PARP4: variants seen among roughly 807,000 people sequenced by gnomAD.
PARP4 encodes poly(ADP-ribose) polymerase family member 4, also known as protein mono-ADP-ribosyltransferase PARP4.
Under a neutral mutation model 187.7 loss-of-function variants are expected in PARP4, and 120 were observed. The ratio of observed to expected loss-of-function variants is 0.64; its 90% CI spans 0.55 to 0.74. PARP4 has a LOEUF of 0.74. PARP4 is among the 30% of genes least tolerant of loss of function. The pLI is 0.00. For synonymous variants in PARP4, 654 were observed against 740.9 expected (o/e 0.88, Z 1.90); for missense variants, 1,836 against 2,070.5 (o/e 0.89, Z 2.20).
intron 31 of PARP4, among the ~76,000 whole-genome samples, chr13:24,432,455 T>C (rs905283930): frequency 1.6e-4 from 24 of 152,238 alleles, no homozygotes; most frequent in Admixed American, 7.2e-4. Context: ...AATATACACC[T>C]GTGAAACCAT....
chr13:24,495,554 T>C (rs1868898714), intron 6 of PARP4, among the ~76,000 whole-genome samples: 1 of 152,194 alleles, frequency 6.6e-6, no homozygotes, highest in African/African-American at 2.4e-5. Context: ...GGCGGCACTT[T>C]CTGCTCTTCT....
intron 3 of PARP4, among the ~76,000 whole-genome samples, chr13:24,501,099 C>A (rs1040353099): frequency 1.3e-5 from 2 of 152,200 alleles, no homozygotes; most frequent in Non-Finnish European, 2.9e-5. Context: ...CGGTATCTAA[C>A]ACATACCGTG....
chr13:24,469,082 T>C lies in PARP4; in HGVS notation c.2075A>G (p.Glu692Gly). The C allele has an allele frequency of 1.9e-6, 3 of 1,613,570 alleles. No homozygotes were observed. Among genetic ancestry groups the C allele is most frequent in the Non-Finnish European group, 2.5e-6 (3 of 1,179,452 alleles). ...GCCCTGGGTCACGGCTTCTAGGTAC[T>C]CTTGCTGGGCTTCTTCCTTCTCTTT... is the stretch of plus-strand genomic sequence containing the variant. ...EIKEKEEAQQ[E>G]YLEAVTQGHG... is the part of the protein sequence containing the mutation. Residue 692 changes from glutamate to glycine, a missense_variant, in exon 17 of 34, where the codon GAG becomes GGG. Physicochemically the swap from Glu to Gly is moderately conservative, Grantham distance 98. Coordinates refer to ENST00000381989, the MANE Select transcript of PARP4 (RefSeq NM_006437.4).
intron 33 of PARP4, among the ~76,000 whole-genome samples, chr13:24,423,151 T>C (rs1165670701): frequency 6.6e-6 from 1 of 152,216 alleles, no homozygotes; most frequent in African/African-American, 2.4e-5. Context: ...TCAATACTAA[T>C]TTTTTAGTCC....
At position 24,469,088 on chromosome 13, in the gene PARP4, T is replaced by C. The variant is rs375596136; in HGVS notation, c.2069A>G (p.Gln690Arg). 3.7e-6 allele frequency: 6 copies of C among 1,613,126 alleles called. No homozygotes were observed. The highest frequency in any genetic ancestry group is 5.1e-6 in the Non-Finnish European group (6 of 1,179,052). ...VGEIKEKEEA[Q>R]QEYLEAVTQG... is the part of the protein sequence containing the mutation. ...GGTCACGGCTTCTAGGTACTCTTGC[T>C]GGGCTTCTTCCTTCTCTTTAATCTG... Residue 690 changes from glutamine to arginine, a missense_variant, in exon 17 of 34, where the codon CAG (glutamine) becomes CGG (arginine). Gln to Arg is a conservative substitution (Grantham distance 43). This residue lies in a region of PARP4 where 1,147 missense variants were observed against 1,214.2 expected (regional missense o/e 0.94). Coordinates refer to ENST00000381989, the MANE Select transcript of PARP4 (RefSeq NM_006437.4).
intron 30 of PARP4, among the ~76,000 whole-genome samples, chr13:24,439,398 G>A (rs1461315370): frequency 1.3e-5 from 2 of 151,550 alleles, no homozygotes; most frequent in African/African-American, 4.8e-5. Context: ...GTAGACACAA[G>A]TAGACAGACA....
chr13:24,429,978 C>A (rs538080395), intron 32 of PARP4, among the ~76,000 whole-genome samples: 4 of 152,192 alleles, frequency 2.6e-5, no homozygotes, highest in African/African-American at 9.6e-5. Flanking sequence ...AAGCTGGATA[C>A]GTGTGGAGCC....
Position 24,494,664 on chromosome 13 carries a change from T to C in PARP4, c.650A>G (p.Asn217Ser), listed in dbSNP as rs747106937. 6.2e-7 allele frequency: 1 copy of C among 1,610,102 alleles called. No individual in the cohort carries two copies. The highest frequency in any genetic ancestry group is 1.1e-5 in the South Asian group (1 of 90,732). The change falls in exon 7 of 34, where the codon AAT becomes AGT. Residue 217 changes from asparagine (N) to serine (S), a missense_variant. Physicochemically the swap from Asn to Ser is conservative, Grantham distance 46. Coordinates refer to ENST00000381989, the MANE Select transcript of PARP4 (RefSeq NM_006437.4). ...TTGTTTCTTCAGTTCTTCAATGTAATTTTCAAAGTATTCACTTGCATCTTC... is the reference window on the plus strand; with the variant it reads ...TTGTTTCTTCAGTTCTTCAATGTAACTTTCAAAGTATTCACTTGCATCTTC... ...TSEDASEYFE[N>S]YIEELKKQGF...
intron 20 of PARP4, among the ~76,000 whole-genome samples, chr13:24,458,589 AAAAC>A (rs932799675): frequency 6.6e-6 from 1 of 151,782 alleles, no homozygotes; most frequent in South Asian, 2.1e-4. Context: ...AAAATAAAAC[AAAAC>A]AAACAAAAAA....
chr13:24,500,701 T>C (rs1248068114), intron 3 of PARP4, among the ~76,000 whole-genome samples: 1 of 152,226 alleles, frequency 6.6e-6, no homozygotes, highest in African/African-American at 2.4e-5. Context: ...AATGAGTTCC[T>C]GAGAGTCGGC....
intron 22 of PARP4, among the ~76,000 whole-genome samples, chr13:24,453,881 G>A (rs1217676891): frequency 2.0e-5 from 3 of 152,254 alleles, no homozygotes; most frequent in African/African-American, 7.2e-5. Context: ...TTGGGAGGCC[G>A]AGGTGGGTGT....
At chr13:24,491,137 TTA>T (rs1453505615) in intron 9 of PARP4, among the ~76,000 whole-genome samples, 1 of 152,022 alleles carries the variant, frequency 6.6e-6, no homozygotes, top group Non-Finnish European at 1.5e-5. Flanking sequence ...TTTTTTTTTT[TTA>T]GATGGAGTTT....
intron 15 of PARP4, among the ~76,000 whole-genome samples, chr13:24,471,235 G>A (rs1872718130): frequency 6.6e-6 from 1 of 152,192 alleles, no homozygotes; most frequent in Admixed American, 6.5e-5. Flanking sequence ...CCCTGAGTTT[G>A]ATGATCAGGA....
chr13:24,444,757 G>T (rs1871126551), intron 27 of PARP4, among the ~76,000 whole-genome samples: 1 of 152,224 alleles, frequency 6.6e-6, no homozygotes, highest in Non-Finnish European at 1.5e-5. Context: ...CATAGGAGTA[G>T]CTCTGAAAAG....
chr13:24,499,412 T>A (rs1869149308), intron 4 of PARP4, 36 bp from the exon 5 acceptor site: 1 of 1,510,098 alleles, frequency 6.6e-7, no homozygotes, highest in African/African-American at 1.4e-5. Flanking sequence ...ATTTTAACAT[T>A]AAATGGATTT....
intron 6 of PARP4, among the ~76,000 whole-genome samples, chr13:24,496,610 A>C (rs1012074914): frequency 6.6e-6 from 1 of 152,092 alleles, no homozygotes; most frequent in African/African-American, 2.4e-5. Flanking sequence ...ACCTGACGTG[A>C]GTCTCTTTCT....
chr13:24,487,256 CAA>C (rs35094936), intron 10 of PARP4, among the ~76,000 whole-genome samples: 193 of 110,158 alleles, frequency 1.8e-3, no homozygotes, highest in Middle Eastern at 5.3e-3. Flanking sequence ...AAGGCTCCGT[CAA>C]AAAAAAAAAA....
chr13:24,467,259 A>G (rs959854075), intron 17 of PARP4, among the ~76,000 whole-genome samples: 6 of 152,154 alleles, frequency 3.9e-5, no homozygotes, highest in African/African-American at 1.4e-4. Flanking sequence ...ACCACTAACT[A>G]TCCTTTTCTG....
At position 24,456,375 on chromosome 13, in the gene PARP4, A is replaced by C; in HGVS notation, c.2528T>G (p.Met843Arg). ...IGLSAAYLPR[M>R]WVEKHPEKES... ...TTTTTCTGGATGTTTTTCAACCCAC[A>C]TTCTTGGGAGATAGGCAGCAGACAA... Residue 843 changes from methionine to arginine, a missense_variant, in exon 21 of 34, where the codon ATG becomes AGG. Around this residue, in one of 8 missense-constraint regions of PARP4, gnomAD observed 1,147 missense variants for 1,214.2 expected, o/e 0.94. Transcript: ENST00000381989. 3.7e-6 allele frequency: 6 copies of C among 1,611,594 alleles called. No homozygotes were observed. Among genetic ancestry groups the C allele is most frequent in the Non-Finnish European group, 5.1e-6 (6 of 1,178,338 alleles).
Sources: gnomAD v4.1 joint callset for allele counts (sites outside exome capture counted in the v4.1 genomes callset) on GRCh38, gnomAD v4.1.1 for gene constraint, gnomAD v4.1.1 regional missense constraint, MANE v1.5 for transcripts, NCBI Gene and HGNC (gene_info 2026-07-23, HGNC 2026-07-21) for gene names.